Variants in TTC7B observed in about 807,000 individuals in gnomAD.
The protein encoded by TTC7B is tetratricopeptide repeat domain 7B.
Under a neutral mutation model 106.8 loss-of-function variants are expected in TTC7B, and 28 were observed. That is an observed-to-expected ratio of 0.26 (90% CI 0.19 to 0.36). The LOEUF (loss-of-function observed/expected upper bound fraction) is 0.36, where lower values mean the gene tolerates loss of function less well. TTC7B is among the 10% of genes least tolerant of loss of function. The probability of loss-of-function intolerance (pLI) is 1.00; values close to 1 mark genes in which losing one functional copy is unlikely to be tolerated. For synonymous variants in TTC7B, 405 were observed against 430.6 expected (o/e 0.94, Z 0.74); for missense variants, 862 against 1,076.4 (o/e 0.80, Z 2.79).
At chr14:90,584,560 G>A (rs1396378923) in intron 18 of TTC7B, among the ~76,000 whole-genome samples, 1 of 152,188 alleles carries the variant, frequency 6.6e-6, no homozygotes, top group Non-Finnish European at 1.5e-5. Flanking sequence ...CTCTCTGGGG[G>A]CTTAGTCTAT....
In TTC7B at chr14:90,600,188, T is replaced by A. The variant is rs1295632880; in HGVS notation, c.1967-6562A>T. 6.6e-6 allele frequency among the ~76,000 whole-genome samples: 1 copy of A among 152,178 alleles called. No homozygotes were observed. The highest frequency in any genetic ancestry group is 1.5e-5 in the Non-Finnish European group (1 of 68,030). On this transcript the variant is annotated intron_variant, in intron 17 of 19. Transcript: ENST00000328459. The surrounding 1 kb of genome is among the most constrained non-coding windows in gnomAD (Gnocchi z 4.3). ...AAGCAGGCATATTTCTCCATACCTT[T>A]TAAAAAACATAACTGCTGTCCCCTC...
intron 1 of TTC7B, among the ~76,000 whole-genome samples, chr14:90,813,426 T>A (rs1379158388): frequency 6.6e-6 from 1 of 152,192 alleles, no homozygotes; most frequent in African/African-American, 2.4e-5. Context: ...CCTAAAACAG[T>A]GGCTAGCACA....
At chr14:90,648,866 T>C (rs983859384) in intron 13 of TTC7B, 2 of 152,242 alleles carry the variant, frequency 1.3e-5, no homozygotes, top group African/African-American at 4.8e-5. Context: ...CTTTCACAAA[T>C]AATAAATTTA....
rs1276883251 is a variant in TTC7B, at chr14:90,540,232, T to C, written c.*1136A>G. 1 of 152,252 alleles carries C rather than the reference T, an allele frequency of 6.6e-6. No individual in the cohort carries two copies. The highest frequency in any genetic ancestry group is 6.5e-5 in the Admixed American group (1 of 15,282). 9.4% of individuals were successfully genotyped at this position (152,252 alleles called of 1,614,324 possible). On this transcript the variant is annotated 3_prime_UTR_variant, in exon 20 of 20. Transcript: ENST00000328459. The stretch of plus-strand genomic sequence containing the variant: ...TGAGTCCAGGAGTTCAGGACCAGCC[T>C]GGGTAACACAGTGAGATCCCGTCTC...
At chr14:90,738,961 G>A (rs1889652614) in intron 4 of TTC7B, among the ~76,000 whole-genome samples, 1 of 152,116 alleles carries the variant, frequency 6.6e-6, no homozygotes, top group Non-Finnish European at 1.5e-5. Context: ...CGAGGTTAAA[G>A]CTGCAGTGAG....
In TTC7B at chr14:90,608,894, T is replaced by G; in HGVS notation, c.1966+1848A>C. 6.6e-6 allele frequency among the ~76,000 whole-genome samples: 1 copy of G among 152,140 alleles called. No homozygotes were observed. Among genetic ancestry groups the G allele is most frequent in the African/African-American group, 2.4e-5 (1 of 41,436 alleles). On this transcript the variant is annotated intron_variant, in intron 17 of 19. Transcript: ENST00000328459. The surrounding 1 kb of genome is among the most constrained non-coding windows in gnomAD (Gnocchi z 5.1). ...AGCTGGAAGGAAAGGGGGTCTGAAT[T>G]TAGTGTGGCTGTTCTCACAGGATAC...
chr14:90,708,028 C>A (rs999492043), intron 5 of TTC7B, among the ~76,000 whole-genome samples: 1 of 151,730 alleles, frequency 6.6e-6, no homozygotes, highest in Non-Finnish European at 1.5e-5. Flanking sequence ...TGCCTGTAAT[C>A]CCAGCTACTC....
intron 15 of TTC7B, among the ~76,000 whole-genome samples, chr14:90,633,613 A>G (rs939690891): frequency 2.0e-5 from 3 of 152,242 alleles, no homozygotes; most frequent in African/African-American, 4.8e-5. Context: ...GGGCCTGATC[A>G]AAGCTCTCGA....
intron 3 of TTC7B, among the ~76,000 whole-genome samples, chr14:90,756,384 G>GTTTTTTTTTTTTTGTTTTTTTTTTTTT (rs369068692): frequency 7.9e-6 from 1 of 126,780 alleles, no homozygotes; most frequent in Non-Finnish European, 1.6e-5. Context: ...TTTTTTTTTT[G>GTTTTTTTTTTTTTGTTTTTTTTTTTTT]TTTTTTTTTT....
At position 90,694,205 on chromosome 14, in the gene TTC7B, TCCAA is replaced by T. The variant is rs200206693; in HGVS notation, c.777+1291_777+1294del. On this transcript the variant is annotated intron_variant, in intron 6 of 19. Transcript: ENST00000328459. ...ATGAGCCAAGATTGTGCGATTGCAC[TCCAA>T]CCTGGGCAACAGAGCGAGACTCTAT... 2.1e-3 allele frequency among the ~76,000 whole-genome samples: 315 copies of T among 152,178 alleles called. 7 individuals carry two copies. The East Asian group carries it at 0.041, about 20-fold the overall frequency.
intron 2 of TTC7B, among the ~76,000 whole-genome samples, chr14:90,781,348 T>C (rs1595369028): frequency 6.6e-6 from 1 of 152,174 alleles, no homozygotes; most frequent in East Asian, 1.9e-4. Flanking sequence ...GATGAAAATG[T>C]TCTAGAATTC....
rs991838429 is a variant in TTC7B, at chr14:90,541,169, G to A, written c.*199C>T. On this transcript the variant is annotated 3_prime_UTR_variant, in exon 20 of 20. Coordinates refer to ENST00000328459, the MANE Select transcript of TTC7B (RefSeq NM_001010854.2). ...TCAATAGGTTCAGAAACTACCATTGGGCTGGCAAAAAAAACAAGAGAAACG... is the reference window on the plus strand; with the variant it reads ...TCAATAGGTTCAGAAACTACCATTGAGCTGGCAAAAAAAACAAGAGAAACG... 8.2e-6 allele frequency: 4 copies of A among 489,648 alleles called. No homozygotes were observed. Among genetic ancestry groups the A allele is most frequent in the Non-Finnish European group, 1.4e-5 (4 of 276,036 alleles). 30.3% of individuals were successfully genotyped at this position (489,648 alleles called of 1,614,324 possible). A position where few individuals can be genotyped will look rare whatever the true frequency, so the allele number is the denominator to read the frequency against.
At chr14:90,780,427 GAA>G (rs1177600061) in intron 3 of TTC7B, among the ~76,000 whole-genome samples, 3 of 131,490 alleles carry the variant, frequency 2.3e-5, no homozygotes, top group Middle Eastern at 3.8e-3. Flanking sequence ...AAGAAAGAAA[GAA>G]AGAGAGAGAG....
At chr14:90,680,041 A>G (rs1296272935) in intron 8 of TTC7B, among the ~76,000 whole-genome samples, 1 of 152,240 alleles carries the variant, frequency 6.6e-6, no homozygotes. Context: ...TTATAGATCC[A>G]ACAAATGACT....
At chr14:90,591,126 G>A (rs1306535585) in intron 18 of TTC7B, among the ~76,000 whole-genome samples, 1 of 152,162 alleles carries the variant, frequency 6.6e-6, no homozygotes, top group Admixed American at 6.5e-5. Flanking sequence ...GATCACCTGA[G>A]GTCAGGAGTT....
intron 3 of TTC7B, among the ~76,000 whole-genome samples, chr14:90,755,728 G>GAGC (rs762616265): frequency 6.3e-4 from 96 of 152,084 alleles, no homozygotes; most frequent in Non-Finnish European, 1.1e-3. Context: ...GACAGACCTG[G>GAGC]ATGCAAACCC....
intron 4 of TTC7B, among the ~76,000 whole-genome samples, chr14:90,739,505 T>TA (rs1425341652): frequency 3.7e-4 from 56 of 152,122 alleles, no homozygotes; most frequent in Non-Finnish European, 1.3e-4. Context: ...TCACTGCAAA[T>TA]CCCTCCTGCC....
At chr14:90,811,279 CA>C (rs1208626786) in intron 1 of TTC7B, among the ~76,000 whole-genome samples, 1 of 152,328 alleles carries the variant, frequency 6.6e-6, no homozygotes, top group East Asian at 1.9e-4. Flanking sequence ...AATAGTGGGT[CA>C]CCAGAGATCT....
rs1891007597 is a variant in TTC7B, at chr14:90,570,899, A to G, written c.2310+7207T>C. On this transcript the variant is annotated intron_variant, in intron 19 of 19. Coordinates refer to ENST00000328459, the MANE Select transcript of TTC7B (RefSeq NM_001010854.2). This position sits in a 1 kb window ranked among gnomAD's most constrained non-coding sequence, Gnocchi z 4.0. Reference sequence around the variant, plus strand: ...GAGATGAAGGGACTTATCTCGGGGTACGCAGTTAGTAAGCGACACAGCTGG... The same window carrying G: ...GAGATGAAGGGACTTATCTCGGGGTGCGCAGTTAGTAAGCGACACAGCTGG... 6.6e-6 allele frequency among the ~76,000 whole-genome samples: 1 copy of G among 152,214 alleles called. No homozygotes were observed. Among genetic ancestry groups the G allele is most frequent in the Non-Finnish European group, 1.5e-5 (1 of 68,030 alleles).
Sources: gnomAD v4.1 joint callset for allele counts (sites outside exome capture counted in the v4.1 genomes callset) on GRCh38, gnomAD v4.1.1 for gene constraint, Gnocchi (gnomAD v3.1) non-coding constraint, MANE v1.5 for transcripts, NCBI Gene and HGNC (gene_info 2026-07-23, HGNC 2026-07-21) for gene names.